Variants in DNAH9 observed in about 807,000 individuals in gnomAD.
The protein encoded by DNAH9 is dynein axonemal heavy chain 9, also known as DNAH9 variant protein.
In DNAH9, 345 loss-of-function variants were observed where a neutral mutation model predicts 471.6. The ratio of observed to expected loss-of-function variants is 0.73; its 90% confidence interval spans 0.67 to 0.80. The LOEUF (loss-of-function observed/expected upper bound fraction) is 0.80. Among genes scored for constraint, DNAH9 ranks in the 30% least tolerant of loss-of-function variants. The probability of loss-of-function intolerance (pLI) is 0.00; values close to 1 mark genes in which losing one functional copy is unlikely to be tolerated. For missense variants in DNAH9, 5,407 were observed against 5,609.2 expected, an observed-to-expected ratio of 0.96 and a Z score of 1.15; for synonymous variants, 2,093 against 2,123.6, an observed-to-expected ratio of 0.99 and a Z score of 0.40.
rs187785640 is a variant in DNAH9, at chr17:11,861,504, T to A, written c.9933+7076T>A. Among the ~76,000 whole-genome samples the A allele has an allele frequency of 2.6e-4, 39 of 151,934 alleles. No homozygotes were observed. The South Asian group carries it at 4.4e-3, about 17-fold the overall frequency. Reference sequence around the variant, plus strand: ...AAAAATACGTGTGCATATGTCTTTATAGCAGCATGATTTATAGTCCTTTGG... The same window carrying A: ...AAAAATACGTGTGCATATGTCTTTAAAGCAGCATGATTTATAGTCCTTTGG... On this transcript the variant is annotated intron_variant, in intron 50 of 68. Coordinates refer to ENST00000262442, the MANE Select transcript of DNAH9 (RefSeq NM_001372.4).
At chr17:11,831,171 TG>T (rs1327928911) in intron 48 of DNAH9, among the ~76,000 whole-genome samples, 2 of 152,220 alleles carry the variant, frequency 1.3e-5, no homozygotes, top group East Asian at 3.8e-4. Context: ...TACCTAAGGC[TG>T]GGCAATTTAT....
intron 1 of DNAH9, among the ~76,000 whole-genome samples, chr17:11,599,123 A>G (rs951026498): frequency 2.6e-5 from 4 of 151,074 alleles, no homozygotes; most frequent in Non-Finnish European, 5.9e-5. Flanking sequence ...GGATGGGGTT[A>G]GGGGCGGAGT....
At chr17:11,766,116 C>T (rs937276097) in intron 36 of DNAH9, among the ~76,000 whole-genome samples, 3 of 152,086 alleles carry the variant, frequency 2.0e-5, no homozygotes, top group African/African-American at 7.2e-5. Flanking sequence ...AGCAGCAGGG[C>T]ACATCCCAGA....
intron 67 of DNAH9, among the ~76,000 whole-genome samples, chr17:11,960,893 C>T (rs1021251979): frequency 6.6e-6 from 1 of 152,180 alleles, no homozygotes; most frequent in South Asian, 2.1e-4. Context: ...GCAGTCTGCC[C>T]TTGATGAGAC....
At chr17:11,964,636 T>C (rs1265602109) in intron 68 of DNAH9, among the ~76,000 whole-genome samples, 1 of 152,150 alleles carries the variant, frequency 6.6e-6, no homozygotes, top group Non-Finnish European at 1.5e-5. Flanking sequence ...ACCAAAGGCT[T>C]TCAGCAATCC....
Position 11,796,740 on chromosome 17 carries a change from G to T in DNAH9, c.8224-857G>T, listed in dbSNP as rs537739230. Among the ~76,000 whole-genome samples, 3 of 152,264 alleles carry T rather than the reference G, an allele frequency of 2.0e-5. No homozygotes were observed. In the South Asian group the frequency reaches 6.2e-4, roughly 32 times the overall value. ...TGTCTTAGAAAGCCTATTCTTTCTC[G>T]GACTTTTCTCCTCGACAACCTTTCC... On this transcript the variant is annotated intron_variant, in intron 42 of 68. Transcript: ENST00000262442.
intron 43 of DNAH9, among the ~76,000 whole-genome samples, chr17:11,804,606 C>T (rs993043123): frequency 3.3e-5 from 5 of 152,130 alleles, no homozygotes; most frequent in Non-Finnish European, 4.4e-5. Flanking sequence ...TGGCCAGGTG[C>T]GGTGGCTCAC....
At chr17:11,934,433 C>A (rs559534501) in intron 65 of DNAH9, among the ~76,000 whole-genome samples, 1 of 117,228 alleles carries the variant, frequency 8.5e-6, no homozygotes, top group Non-Finnish European at 1.9e-5. Context: ...GTTGACAAAC[C>A]CATTTTTTTT....
At chr17:11,703,166 C>T (rs11655608) in intron 24 of DNAH9, among the ~76,000 whole-genome samples, 144,287 of 151,802 alleles carry the variant, frequency 0.95, 68,778 homozygotes, top group Non-Finnish European at 0.99. Flanking sequence ...AACTTGGCTA[C>T]GAAGAAGAGA....
chr17:11,889,114 G>A (rs1050783913), intron 57 of DNAH9, among the ~76,000 whole-genome samples: 2 of 152,186 alleles, frequency 1.3e-5, no homozygotes, highest in African/African-American at 4.8e-5. Context: ...CATTCACAGG[G>A]TGCCTCAGAG....
chr17:11,694,287 CTTAACTGGGAAA>C (rs774646573), intron 21 of DNAH9, 22 bp from the exon 22 acceptor site: 1 of 1,612,374 alleles, frequency 6.2e-7, no homozygotes, highest in South Asian at 1.1e-5. Flanking sequence ...TCTAGACATT[CTTAACTGGGAAA>C]TTCTATGTTC....
In DNAH9 at chr17:11,931,072, A is replaced by T. The variant is rs1470106705; in HGVS notation, c.12106-942A>T. 2.0e-5 allele frequency among the ~76,000 whole-genome samples: 3 copies of T among 152,232 alleles called. No individual in the cohort carries two copies. The East Asian group carries it at 5.8e-4, about 29-fold the overall frequency. ...GGCCCAGGCCTCTTTGATCTTCTCAAGAAGGCACTATTTCTTTTTGGTTCT... is the reference window on the plus strand; with the variant it reads ...GGCCCAGGCCTCTTTGATCTTCTCATGAAGGCACTATTTCTTTTTGGTTCT... On this transcript the variant is annotated intron_variant, in intron 63 of 68. Coordinates refer to ENST00000262442, the MANE Select transcript of DNAH9 (RefSeq NM_001372.4).
In DNAH9 at chr17:11,640,186, G is replaced by A. The variant is rs1232251922; in HGVS notation, c.1787-84G>A. ...GTCTGGAGATAATGAGGCAAAAGTG[G>A]AGTACTTGGTGGGAGGTGTTTGCCG... On this transcript the variant is annotated intron_variant, in intron 9 of 68. Transcript: ENST00000262442. The A allele has an allele frequency of 1.6e-5, 12 of 756,698 alleles. No homozygotes were observed. In the Admixed American group the frequency reaches 2.1e-4, roughly 14 times the overall value. The allele number at this position is 756,698 out of a possible 1,614,324, so 46.9% of individuals were successfully genotyped here.
chr17:11,634,228 T>C (rs2073120157), intron 8 of DNAH9, among the ~76,000 whole-genome samples: 1 of 152,174 alleles, frequency 6.6e-6, no homozygotes, highest in East Asian at 1.9e-4. Flanking sequence ...CTCCGATCCC[T>C]TCTGCCTACT....
chr17:11,772,720 T>C (rs1012820460), intron 38 of DNAH9, among the ~76,000 whole-genome samples: 1 of 152,190 alleles, frequency 6.6e-6, no homozygotes, highest in African/African-American at 2.4e-5. Flanking sequence ...GGCCTCTTGG[T>C]AACGTTAGAT....
chr17:11,880,170 T>G lies in DNAH9; in HGVS notation c.10571T>G (p.Leu3524Arg). 5 of 1,613,904 alleles carry G rather than the reference T, an allele frequency of 3.1e-6. No individual in the cohort carries two copies. The highest frequency in any genetic ancestry group is 4.2e-6 in the Non-Finnish European group (5 of 1,179,856). Reference sequence around the variant, plus strand: ...TCCATTGATCCTGTTCTGGGACCCCTGCTTGGGAGAGAAGTCATTAAAAAA... The same window carrying G: ...TCCATTGATCCTGTTCTGGGACCCCGGCTTGGGAGAGAAGTCATTAAAAAA... ...EESIDPVLGP[L>R]LGREVIKKGR... The change falls in exon 54 of 69, where the codon CTG (leucine) becomes CGG (arginine). Residue 3524 changes from leucine (L) to arginine (R), a missense_variant. By Grantham distance (102) the Leu-to-Arg change is moderately radical. This residue lies in a region of DNAH9 where 4,636 missense variants were observed against 4,900.3 expected (regional missense o/e 0.95). Coordinates refer to ENST00000262442, the MANE Select transcript of DNAH9 (RefSeq NM_001372.4).
chr17:11,760,571 G>C (rs1967621753), intron 35 of DNAH9, among the ~76,000 whole-genome samples: 1 of 151,914 alleles, frequency 6.6e-6, no homozygotes, highest in Non-Finnish European at 1.5e-5. Context: ...CCAGGCTGGA[G>C]TGCAGTGGCG....
In DNAH9 at chr17:11,959,344, T is replaced by C. The variant is rs573713963; in HGVS notation, c.12844-2523T>C. On this transcript the variant is annotated intron_variant, in intron 67 of 68. Transcript: ENST00000262442. ...CTTCTTTGATCATTTATTTTGTCCTTTGCACTAAATTTCATCTTTATACTT... is the reference window on the plus strand; with the variant it reads ...CTTCTTTGATCATTTATTTTGTCCTCTGCACTAAATTTCATCTTTATACTT... Among the ~76,000 whole-genome samples, 37 of 152,300 alleles carry C rather than the reference T, an allele frequency of 2.4e-4. No homozygotes were observed. The South Asian group carries it at 7.7e-3, about 32-fold the overall frequency.
chr17:11,888,129 C>CCCA (rs1972937806), intron 57 of DNAH9, among the ~76,000 whole-genome samples: 1 of 151,878 alleles, frequency 6.6e-6, no homozygotes, highest in African/African-American at 2.4e-5. Context: ...ACTACAGGTG[C>CCCA]CCACCACCGC....
Sources: allele counts gnomAD v4.1 joint callset (sites outside exome capture counted in the v4.1 genomes callset), GRCh38; gene constraint gnomAD v4.1.1; regional missense constraint gnomAD v4.1.1; transcripts MANE v1.5; gene names NCBI Gene and HGNC (gene_info 2026-07-23, HGNC 2026-07-21).